Variants in PPP1R8 observed in about 807,000 individuals in gnomAD.
The protein encoded by PPP1R8 is nuclear inhibitor of protein phosphatase 1.
PPP1R8 carries 4 observed loss-of-function variants against 31.3 expected under a neutral mutation model. That is an observed-to-expected ratio of 0.13 (90% CI 0.06 to 0.29). PPP1R8 has a LOEUF of 0.29. Among genes scored for constraint, PPP1R8 ranks in the 10% least tolerant of loss-of-function variants. PPP1R8 has a pLI of 1.00. For synonymous variants in PPP1R8, 170 were observed against 169.7 expected, an observed-to-expected ratio of 1.00 and a Z score of -0.01; for missense variants, 254 against 440.1, an observed-to-expected ratio of 0.58 and a Z score of 3.78.
intron 4 of PPP1R8, among the ~76,000 whole-genome samples, chr1:27,841,946 A>G (rs1410319175): frequency 6.6e-6 from 1 of 152,214 alleles, no homozygotes; most frequent in Non-Finnish European, 1.5e-5. Context: ...GTCTGTTCAA[A>G]TAGACCAAAT....
At chr1:27,844,244 C>T (rs1483525118) in intron 5 of PPP1R8, among the ~76,000 whole-genome samples, 4 of 152,174 alleles carry the variant, frequency 2.6e-5, no homozygotes, top group Non-Finnish European at 4.4e-5. Flanking sequence ...CTTAAGCGAT[C>T]CTCCTGCCTC....
At chr1:27,838,195 G>A (rs565052692) in intron 2 of PPP1R8, among the ~76,000 whole-genome samples, 6 of 147,942 alleles carry the variant, frequency 4.1e-5, no homozygotes, top group Admixed American at 6.7e-5. Context: ...TGGGTGACAG[G>A]GTGGGACTCC....
At chr1:27,835,648 C>G (rs1434338979) in intron 2 of PPP1R8, among the ~76,000 whole-genome samples, 1 of 152,170 alleles carries the variant, frequency 6.6e-6, no homozygotes, top group South Asian at 2.1e-4. Flanking sequence ...AAGAGTGTGA[C>G]CCACAGTACT....
chr1:27,833,288 T>C (rs896738275), intron 2 of PPP1R8, among the ~76,000 whole-genome samples: 5 of 152,228 alleles, frequency 3.3e-5, no homozygotes, highest in Admixed American at 1.3e-4. Flanking sequence ...AATTCATTAA[T>C]TGATTCTTTC....
chr1:27,835,894 T>C (rs2089159806), intron 2 of PPP1R8, among the ~76,000 whole-genome samples: 1 of 152,108 alleles, frequency 6.6e-6, no homozygotes. Context: ...CATAGGGTGG[T>C]TGTGAGGATG....
chr1:27,851,502 A>G lies in PPP1R8; in HGVS notation c.*1056A>G. 1 of 463,392 alleles carries G rather than the reference A, an allele frequency of 2.2e-6. No individual in the cohort carries two copies. The highest frequency in any genetic ancestry group is 1.5e-5 in the South Asian group (1 of 64,968). 28.7% of individuals were successfully genotyped at this position (463,392 alleles called of 1,614,324 possible). ...GCTTTTTACCTGTAACCTTTATTAC[A>G]TTGTAAATTAAACGTAACTTTTGTC... On this transcript the variant is annotated 3_prime_UTR_variant, in exon 7 of 7. Coordinates refer to ENST00000311772, the MANE Select transcript of PPP1R8 (RefSeq NM_014110.5).
intron 6 of PPP1R8, among the ~76,000 whole-genome samples, chr1:27,847,963 C>CT (rs1158482060): frequency 6.6e-6 from 1 of 152,198 alleles, no homozygotes; most frequent in African/African-American, 2.4e-5. Context: ...GGCCCACCTT[C>CT]TTTTGGCCTT....
At chr1:27,841,440 C>A (rs1403590354) in intron 4 of PPP1R8, among the ~76,000 whole-genome samples, 2 of 152,110 alleles carry the variant, frequency 1.3e-5, no homozygotes, top group Non-Finnish European at 2.9e-5. Flanking sequence ...ATCACCAGGC[C>A]TAACAAGGAG....
rs371917849 is a variant in PPP1R8, at chr1:27,845,263, G to A, written c.638-1765G>A. Among the ~76,000 whole-genome samples, 22 of 150,930 alleles carry A rather than the reference G, an allele frequency of 1.5e-4. No homozygotes were observed. In the South Asian group the frequency reaches 4.2e-3, roughly 29 times the overall value. On this transcript the variant is annotated intron_variant, in intron 5 of 6. Transcript: ENST00000311772. Reference sequence around the variant, plus strand: ...AAATTAGCTGGGTGTGGTGGCGGGCGCCTGTAGTCCCAGCTACTTGGGAGG... The same window carrying A: ...AAATTAGCTGGGTGTGGTGGCGGGCACCTGTAGTCCCAGCTACTTGGGAGG...
Position 27,845,783 on chromosome 1 carries a change from C to CTTTTTTTTTTTTTTTTTTTT in PPP1R8, c.638-1240_638-1221dup, listed in dbSNP as rs773994854. Among the ~76,000 whole-genome samples the CTTTTTTTTTTTTTTTTTTTT allele has an allele frequency of 1.2e-4, 11 of 91,836 alleles. 1 individual carries two copies. Among genetic ancestry groups the CTTTTTTTTTTTTTTTTTTTT allele is most frequent in the African/African-American group, 5.0e-4 (10 of 19,992 alleles). The allele number at this position is 91,836 out of a possible 152,430, so 60.2% of individuals were successfully genotyped here. ...GGAGTTTTTCTTTCTTTCTTTCTTT[C>CTTTTTTTTTTTTTTTTTTTT]TTTTTTTTTTTTTTTTTTTTTTTTG... On this transcript the variant is annotated intron_variant, in intron 5 of 6. Coordinates refer to ENST00000311772, the MANE Select transcript of PPP1R8 (RefSeq NM_014110.5).
intron 4 of PPP1R8, among the ~76,000 whole-genome samples, chr1:27,842,891 A>G (rs3753393): frequency 0.051 from 7,761 of 152,098 alleles, 410 homozygotes; most frequent in East Asian, 0.25. Context: ...AAAAAACACA[A>G]CTCAAGGATA....
In PPP1R8 at chr1:27,851,300, A is replaced by C. The variant is rs958220228; in HGVS notation, c.*854A>C. 3.1e-6 allele frequency: 1 copy of C among 323,866 alleles called. No homozygotes were observed. The highest frequency in any genetic ancestry group is 4.0e-5 in the Admixed American group (1 of 25,088). 20.1% of individuals were successfully genotyped at this position (323,866 alleles called of 1,614,324 possible). ...GAAGTAACTGGTGTCTCTAAGAGGA[A>C]TTTTTAGATGTCAGTTTGGAGGCTC... On this transcript the variant is annotated 3_prime_UTR_variant, in exon 7 of 7. Transcript: ENST00000311772.
chr1:27,849,840 T>C (rs1452140496), intron 6 of PPP1R8, among the ~76,000 whole-genome samples: 1 of 152,170 alleles, frequency 6.6e-6, no homozygotes, highest in East Asian at 1.9e-4. Context: ...CATCCTTGGC[T>C]GATGTAGGAT....
rs193134924 is a variant in PPP1R8 at position 27,848,621 on chromosome 1, C to G, written c.703-1472C>G. 1.1e-4 allele frequency among the ~76,000 whole-genome samples: 17 copies of G among 152,164 alleles called. No individual in the cohort carries two copies. The East Asian group carries it at 3.3e-3, about 29-fold the overall frequency. The stretch of plus-strand genomic sequence containing the variant: ...TTTACTTTTTATAAAAAAAAAATCT[C>G]TAAAATATATTAGACTAAGTAAGAT... On this transcript the variant is annotated intron_variant, in intron 6 of 6. Transcript: ENST00000311772.
At chr1:27,844,849 C>T (rs1366512415) in intron 5 of PPP1R8, among the ~76,000 whole-genome samples, 1 of 137,550 alleles carries the variant, frequency 7.3e-6, no homozygotes, top group Admixed American at 7.4e-5. Context: ...TCCCGAGTAG[C>T]TGGGACTACA....
rs141889341 is a variant in PPP1R8 at position 27,850,866 on chromosome 1, G to A, written c.*420G>A. ...TATATTCACTATCCTTCCAAGTCCCGGGTAGCAGAAGGGTTGCCATAGATC... is the reference window on the plus strand; with the variant it reads ...TATATTCACTATCCTTCCAAGTCCCAGGTAGCAGAAGGGTTGCCATAGATC... On this transcript the variant is annotated 3_prime_UTR_variant, in exon 7 of 7. Transcript: ENST00000311772. 7.5e-4 allele frequency: 120 copies of A among 159,638 alleles called. No homozygotes were observed. Among genetic ancestry groups the A allele is most frequent in the African/African-American group, 2.5e-3 (106 of 41,762 alleles). 9.9% of individuals were successfully genotyped at this position (159,638 alleles called of 1,614,324 possible).
intron 5 of PPP1R8, among the ~76,000 whole-genome samples, chr1:27,843,743 A>G (rs2089245164): frequency 6.6e-6 from 1 of 152,172 alleles, no homozygotes; most frequent in Non-Finnish European, 1.5e-5. Context: ...GCTTGAGGCC[A>G]GGATTTCAAG....
chr1:27,845,833 A>C (rs1473399740), intron 5 of PPP1R8, among the ~76,000 whole-genome samples: 6 of 119,216 alleles, frequency 5.0e-5, no homozygotes, highest in Non-Finnish European at 9.4e-5. Flanking sequence ...TCTGTCGCCC[A>C]GGCTGGAGTG....
rs764344673 is a variant in PPP1R8 at position 27,841,008 on chromosome 1, TC to T, written c.272-3del. On this transcript the variant is annotated splice_polypyrimidine_tract_variant and splice_region_variant and intron_variant, in intron 3 of 6. Transcript: ENST00000311772. ...CCCCTTACGTTTCTGATTTGGTTATTCCCAGCACACGGCACTTTCTTGGGTC... is the reference window on the plus strand; with the variant it reads ...CCCCTTACGTTTCTGATTTGGTTATTCCAGCACACGGCACTTTCTTGGGTC... 9 of 1,614,090 alleles carry T rather than the reference TC, an allele frequency of 5.6e-6. No individual in the cohort carries two copies. In the Admixed American group the frequency reaches 1.5e-4, roughly 27 times the overall value.
Sources: gnomAD v4.1 joint callset for allele counts (sites outside exome capture counted in the v4.1 genomes callset) on GRCh38, gnomAD v4.1.1 for gene constraint, MANE v1.5 for transcripts, NCBI Gene and HGNC (gene_info 2026-07-23, HGNC 2026-07-21) for gene names.